The following PDE10A variants were observed in gnomAD, a reference collection of about 807,000 sequenced individuals.
The protein encoded by PDE10A is phosphodiesterase 10A.
PDE10A carries 39 observed loss-of-function variants against 97.7 expected under a neutral mutation model. The observed-to-expected ratio is 0.40, with a 90% CI of 0.31 to 0.52. PDE10A has a LOEUF of 0.52. PDE10A is among the 20% of genes least tolerant of loss of function. PDE10A has a pLI of 0.56. For missense variants in PDE10A, 731 were observed against 1,047.8 expected, an observed-to-expected ratio of 0.70 and a Z score of 4.17; for synonymous variants, 371 against 376.8, an observed-to-expected ratio of 0.98 and a Z score of 0.18.
At chr6:165,735,203 GTAGT>G (rs954136471) in intron 1 of PDE10A, among the ~76,000 whole-genome samples, 22 of 152,060 alleles carry the variant, frequency 1.4e-4, no homozygotes, top group East Asian at 5.8e-4. Flanking sequence ...AGGTAGACAG[GTAGT>G]TAGGTTGGTA....
At chr6:165,897,018 G>A (rs760639310) in intron 1 of PDE10A, among the ~76,000 whole-genome samples, 2 of 152,152 alleles carry the variant, frequency 1.3e-5, no homozygotes, top group Non-Finnish European at 2.9e-5. Context: ...CCTTATAGAG[G>A]AGACAGCTAA....
intron 1 of PDE10A, among the ~76,000 whole-genome samples, chr6:165,977,233 G>A (rs778388661): frequency 3.9e-5 from 6 of 152,156 alleles, no homozygotes; most frequent in Non-Finnish European, 7.4e-5. Flanking sequence ...ACAATAGCAC[G>A]AAAAAGCAGT....
intron 6 of PDE10A, among the ~76,000 whole-genome samples, chr6:165,434,704 G>C (rs1789868922): frequency 6.6e-6 from 1 of 152,160 alleles, no homozygotes; most frequent in Non-Finnish European, 1.5e-5. Flanking sequence ...AGCCTTACTG[G>C]AAGCGGGTGA....
intron 2 of PDE10A, among the ~76,000 whole-genome samples, chr6:165,504,378 TA>T (rs1180102629): frequency 1.3e-5 from 2 of 152,214 alleles, no homozygotes; most frequent in Non-Finnish European, 2.9e-5. Flanking sequence ...CAGAATTGTT[TA>T]AAAATAAATG....
In PDE10A at chr6:165,413,555, T is replaced by C; in HGVS notation, c.2022A>G (p.Glu674=). ...ISGSAFSKTD[E]NNFKMFAVFC... ...AGACGGCAAACATTTTGAAGTTGTT[T>C]TCATCTGTTTTAGAGAAGGCACTGC... Residue 674 remains glutamate (E), a synonymous_variant, in exon 13 of 22, where the codon GAA becomes GAG. Coordinates refer to ENST00000539869, the MANE Select transcript of PDE10A (RefSeq NM_001385079.1). 1 of 1,614,198 alleles carries C rather than the reference T, an allele frequency of 6.2e-7. No individual in the cohort carries two copies. Among genetic ancestry groups the C allele is most frequent in the South Asian group, 1.1e-5 (1 of 91,090 alleles).
intron 2 of PDE10A, among the ~76,000 whole-genome samples, chr6:165,532,854 C>T (rs1050261492): frequency 6.6e-6 from 1 of 152,094 alleles, no homozygotes; most frequent in African/African-American, 2.4e-5. Context: ...CTACACCATC[C>T]CATTTAACAC....
intron 1 of PDE10A, among the ~76,000 whole-genome samples, chr6:165,700,431 A>T (rs987320336): frequency 5.9e-5 from 9 of 152,336 alleles, no homozygotes; most frequent in African/African-American, 2.2e-4. Flanking sequence ...AAAACTATTA[A>T]ATTGCACATT....
At chr6:165,872,829 C>A (rs1444650814) in intron 1 of PDE10A, among the ~76,000 whole-genome samples, 1 of 152,152 alleles carries the variant, frequency 6.6e-6, no homozygotes, top group Non-Finnish European at 1.5e-5. Context: ...GGATCAGTAA[C>A]CACCACCAAC....
chr6:165,765,056 G>C (rs1292982545), intron 1 of PDE10A, among the ~76,000 whole-genome samples: 2 of 152,212 alleles, frequency 1.3e-5, no homozygotes, highest in African/African-American at 4.8e-5. Flanking sequence ...TAGATACAGA[G>C]TGTGGATTGG....
chr6:165,942,908 G>T (rs926745306), intron 1 of PDE10A, among the ~76,000 whole-genome samples: 2 of 151,988 alleles, frequency 1.3e-5, no homozygotes, highest in South Asian at 4.2e-4. Flanking sequence ...GGAACAATTT[G>T]AGTGTCATGT....
At chr6:165,469,244 A>C (rs1423300259) in intron 3 of PDE10A, among the ~76,000 whole-genome samples, 1 of 152,214 alleles carries the variant, frequency 6.6e-6, no homozygotes, top group South Asian at 2.1e-4. Flanking sequence ...TTTTGCCTTA[A>C]GTACAAACAG....
chr6:165,373,111 A>C (rs373874117), intron 18 of PDE10A, among the ~76,000 whole-genome samples: 12,219 of 151,084 alleles, frequency 0.081, 545 homozygotes, highest in Middle Eastern at 0.2. Context: ...TGTTAGACCT[A>C]AAACCATAAA....
intron 1 of PDE10A, among the ~76,000 whole-genome samples, chr6:165,908,516 C>T (rs1357059363): frequency 1.3e-5 from 2 of 152,124 alleles, no homozygotes; most frequent in African/African-American, 2.4e-5. Flanking sequence ...AAAGAGAATC[C>T]ACATACAATC....
intron 2 of PDE10A, among the ~76,000 whole-genome samples, chr6:165,492,177 A>C (rs1780265772): frequency 6.6e-6 from 1 of 152,198 alleles, no homozygotes; most frequent in Non-Finnish European, 1.5e-5. Context: ...AGAAACTCTG[A>C]ACAGACTAAT....
chr6:165,936,286 G>A (rs968201851), intron 1 of PDE10A, among the ~76,000 whole-genome samples: 1 of 152,056 alleles, frequency 6.6e-6, no homozygotes. Context: ...GATGAACCAT[G>A]GAGGGAATGT....
intron 2 of PDE10A, among the ~76,000 whole-genome samples, chr6:165,532,725 T>G (rs1376886558): frequency 6.6e-6 from 1 of 152,194 alleles, no homozygotes; most frequent in Non-Finnish European, 1.5e-5. Flanking sequence ...GTGATGTTCA[T>G]GTTACTGGTC....
chr6:165,462,472 G>C (rs192962990), intron 3 of PDE10A, among the ~76,000 whole-genome samples: 7 of 152,302 alleles, frequency 4.6e-5, no homozygotes, highest in South Asian at 2.1e-4. Flanking sequence ...GGTTATGCTT[G>C]TGCTTCTCCA....
At chr6:165,406,228 A>ATGTGTGTGTGTGTGTGTGTGTGTGTG (rs3839483) in intron 13 of PDE10A, among the ~76,000 whole-genome samples, 17 of 140,506 alleles carry the variant, frequency 1.2e-4, no homozygotes, top group Middle Eastern at 3.6e-3. Context: ...AGGGAAAAGG[A>ATGTGTGTGTGTGTGTGTGTGTGTGTG]TGTGTGTGTG....
intron 3 of PDE10A, among the ~76,000 whole-genome samples, chr6:165,471,063 C>T (rs538261862): frequency 7.2e-5 from 11 of 152,264 alleles, no homozygotes; most frequent in Middle Eastern, 3.4e-3. Flanking sequence ...TCCAATTGCT[C>T]CAAGAAAACA....
Sources: gnomAD v4.1 joint callset for allele counts (sites outside exome capture counted in the v4.1 genomes callset) on GRCh38, gnomAD v4.1.1 for gene constraint, MANE v1.5 for transcripts, NCBI Gene and HGNC (gene_info 2026-07-23, HGNC 2026-07-21) for gene names.